The following SCARA3 variants were observed in gnomAD, a reference collection of about 807,000 sequenced individuals.
SCARA3 encodes scavenger receptor class A member 3.
In SCARA3, 39 loss-of-function variants were observed where a neutral mutation model predicts 47.0. The observed-to-expected ratio is 0.83, with a 90% CI of 0.64 to 1.08. The LOEUF (loss-of-function observed/expected upper bound fraction) is 1.08. Among genes scored for constraint, SCARA3 ranks in the 50% least tolerant of loss-of-function variants. The probability of loss-of-function intolerance (pLI) is 0.00; values close to 1 mark genes in which losing one functional copy is unlikely to be tolerated. For missense variants in SCARA3, 724 were observed against 792.3 expected (o/e 0.91, Z 1.04); for synonymous variants, 356 against 334.1 (o/e 1.07, Z -0.71).
upstream of SCARA3, among the ~76,000 whole-genome samples, chr8:27,633,561 C>G (rs1010048129): frequency 2.6e-5 from 4 of 152,178 alleles, no homozygotes; most frequent in Admixed American, 6.5e-5. Flanking sequence ...TTGGCGGTCC[C>G]GATAGTGAAA....
chr8:27,640,172 C>T (rs1461244648), intron 1 of SCARA3, among the ~76,000 whole-genome samples: 2 of 152,128 alleles, frequency 1.3e-5, no homozygotes, highest in Non-Finnish European at 2.9e-5. Flanking sequence ...CTCTGCATTA[C>T]GAGCAGCTGC....
At chr8:27,711,183 A>G in the SCARA3 span, among the ~76,000 whole-genome samples, 1 of 152,272 alleles carries the variant, frequency 6.6e-6, no homozygotes, top group East Asian at 1.9e-4. Flanking sequence ...CAGCCTCCCA[A>G]GGTGCTGGGA....
intron 5 of SCARA3, among the ~76,000 whole-genome samples, chr8:27,664,107 C>T (rs570473): frequency 0.26 from 38,912 of 152,110 alleles, 5,620 homozygotes; most frequent in Middle Eastern, 0.41. Flanking sequence ...GGAAGGCTCT[C>T]GAATTTTCAT....
the SCARA3 span, among the ~76,000 whole-genome samples, chr8:27,712,036 A>G: frequency 6.6e-6 from 1 of 152,226 alleles, no homozygotes; most frequent in Non-Finnish European, 1.5e-5. Flanking sequence ...CAAGAAGTTC[A>G]ATAACTTATT....
chr8:27,676,493 T>A, downstream of SCARA3: 4 of 1,561,982 alleles, frequency 2.6e-6, no homozygotes, highest in Non-Finnish European at 3.5e-6. Context: ...CCAACATAGG[T>A]GTCCAACGAA....
intron 5 of SCARA3, among the ~76,000 whole-genome samples, chr8:27,665,238 G>T (rs1801991746): frequency 1.3e-5 from 2 of 152,164 alleles, no homozygotes; most frequent in East Asian, 3.8e-4. Context: ...ATCCCTCCAG[G>T]GCTCTGCTTC....
chr8:27,682,636 TAC>T, the SCARA3 span, among the ~76,000 whole-genome samples: 1 of 152,158 alleles, frequency 6.6e-6, no homozygotes, highest in African/African-American at 2.4e-5. Context: ...GGTCAGCATT[TAC>T]AACTATCAGG....
At position 27,649,715 on chromosome 8, in the gene SCARA3, C is replaced by G; in HGVS notation, c.21C>G (p.Gly7=). 6.2e-7 allele frequency: 1 copy of G among 1,614,038 alleles called. No homozygotes were observed. The highest frequency in any genetic ancestry group is 1.1e-5 in the South Asian group (1 of 91,066). The part of the protein sequence containing the change: MKVRSA[G]GDGDALCVTE... ...GCTTCATTATAGTGAGGTCGGCCGG[C>G]GGCGATGGAGATGCCTTGTGCGTTA... is the stretch of plus-strand genomic sequence containing the variant. The change falls in exon 2 of 6, where the codon GGC becomes GGG. Residue 7 remains glycine (G), a synonymous_variant. Transcript: ENST00000301904.
At chr8:27,643,499 C>T (rs913140102) in intron 1 of SCARA3, among the ~76,000 whole-genome samples, 3 of 152,156 alleles carry the variant, frequency 2.0e-5, no homozygotes, top group South Asian at 2.1e-4. Context: ...GAGACCTGAG[C>T]GGGCAGGCGG....
chr8:27,659,150 A>G lies in SCARA3; in HGVS notation c.980A>G (p.Asp327Gly). 6.2e-7 allele frequency: 1 copy of G among 1,614,036 alleles called. No individual in the cohort carries two copies. The highest frequency in any genetic ancestry group is 8.5e-7 in the Non-Finnish European group (1 of 1,179,998). The change falls in exon 5 of 6, where the codon GAT becomes GGT. Residue 327 changes from aspartate to glycine, a missense_variant. Coordinates refer to ENST00000301904, the MANE Select transcript of SCARA3 (RefSeq NM_016240.3). ...GATGACCACGAAGAGAACATGCATG[A>G]TCTTCAGTACCATACCCACTACGCC... The part of the protein sequence containing the change: ...FLDDHEENMH[D>G]LQYHTHYAQN...
chr8:27,720,854 ACCT>A, the SCARA3 span, among the ~76,000 whole-genome samples: 1 of 151,266 alleles, frequency 6.6e-6, no homozygotes, highest in African/African-American at 2.4e-5. Context: ...CCATCCATCC[ACCT>A]ATTTATCCAC....
At chr8:27,728,792 G>A in the SCARA3 span, among the ~76,000 whole-genome samples, 15 of 152,226 alleles carry the variant, frequency 9.9e-5, no homozygotes, top group Admixed American at 9.8e-4. Flanking sequence ...GGGAGGCCGA[G>A]GTGGGAGAAT....
At chr8:27,731,998 T>C in the SCARA3 span, among the ~76,000 whole-genome samples, 1 of 152,212 alleles carries the variant, frequency 6.6e-6, no homozygotes, top group Admixed American at 6.5e-5. Flanking sequence ...CAGATCAGCC[T>C]TTACCACCTG....
intron 1 of SCARA3, among the ~76,000 whole-genome samples, chr8:27,636,331 G>A (rs961850588): frequency 2.6e-5 from 4 of 152,172 alleles, no homozygotes; most frequent in African/African-American, 4.8e-5. Flanking sequence ...TAGCTACTCC[G>A]GAGCCCGAGG....
Position 27,656,833 on chromosome 8 carries a change from T to C in SCARA3, c.278T>C (p.Ile93Thr), listed in dbSNP as rs1489778211. 4 of 1,613,256 alleles carry C rather than the reference T, an allele frequency of 2.5e-6. No homozygotes were observed. In the South Asian group the frequency reaches 4.4e-5, roughly 18 times the overall value. Residue 93 changes from isoleucine to threonine, a missense_variant, in exon 4 of 6, where the codon ATT (isoleucine) becomes ACT (threonine). Physicochemically the swap from Ile to Thr is moderately conservative, Grantham distance 89. Coordinates refer to ENST00000301904, the MANE Select transcript of SCARA3 (RefSeq NM_016240.3). Reference protein sequence around the residue: ...LSEDISLTQSIYDKKLVLMQK... With the variant: ...LSEDISLTQSTYDKKLVLMQK... ...GAAGACATCTCCTTGACCCAGTCTATTTATGACAAGAAGCTTGTGTTAATG... is the reference window on the plus strand; with the variant it reads ...GAAGACATCTCCTTGACCCAGTCTACTTATGACAAGAAGCTTGTGTTAATG...
At chr8:27,684,204 C>G in the SCARA3 span, among the ~76,000 whole-genome samples, 1 of 152,020 alleles carries the variant, frequency 6.6e-6, no homozygotes, top group African/African-American at 2.4e-5. Context: ...TAAAGTAAAA[C>G]TCAACTTTAA....
the SCARA3 span, among the ~76,000 whole-genome samples, chr8:27,708,070 A>G: frequency 2.0e-5 from 3 of 152,296 alleles, no homozygotes; most frequent in Admixed American, 2.0e-4. Flanking sequence ...GGAAAAAGTC[A>G]TATATTCCAG....
the SCARA3 span, among the ~76,000 whole-genome samples, chr8:27,691,504 T>G: frequency 6.6e-6 from 1 of 152,334 alleles, no homozygotes; most frequent in Admixed American, 6.5e-5. Context: ...TAGTTCACGT[T>G]GGCAGCCCCT....
At position 27,671,025 on chromosome 8, in the gene SCARA3, G is replaced by A; in HGVS notation, c.1495G>A (p.Gly499Arg). ...LGPLGPQGPQ[G>R]QPGEAGPVGE... ...CCCCCTGGGACCCCAGGGTCCTCAG[G>A]GGCAACCTGGAGAGGCCGGGCCTGT... Residue 499 changes from glycine to arginine, a missense_variant, in exon 6 of 6, where the codon GGG becomes AGG. Gly to Arg is a moderately radical substitution (Grantham distance 125). Transcript: ENST00000301904. 6.2e-7 allele frequency: 1 copy of A among 1,612,104 alleles called. No homozygotes were observed. Among genetic ancestry groups the A allele is most frequent in the African/African-American group, 1.3e-5 (1 of 74,950 alleles).
Sources: allele counts gnomAD v4.1 joint callset (sites outside exome capture counted in the v4.1 genomes callset), GRCh38; gene constraint gnomAD v4.1.1; transcripts MANE v1.5; gene names NCBI Gene and HGNC (gene_info 2026-07-23, HGNC 2026-07-21).